The following ZNF844 variants were observed in gnomAD, a reference collection of about 807,000 sequenced individuals.
ZNF844 encodes zinc finger protein 844.
A neutral mutation model predicts 11.4 loss-of-function variants in ZNF844; 11 were observed. The observed-to-expected ratio is 0.97, with a 90% CI of 0.61 to 1.60. ZNF844 has a LOEUF of 1.60. Ranked by LOEUF, ZNF844 falls within the 40% of genes most tolerant of loss-of-function variation. The pLI, the probability that ZNF844 is intolerant of heterozygous loss-of-function variation, is 0.00. For missense variants in ZNF844, 790 were observed against 796.8 expected, an observed-to-expected ratio of 0.99 and a Z score of 0.10; for synonymous variants, 248 against 260.3, an observed-to-expected ratio of 0.95 and a Z score of 0.46.
intron 1 of ZNF844, among the ~76,000 whole-genome samples, 189 bp downstream of exon 1, chr19:12,065,065 G>A (rs1005782960): frequency 6.6e-6 from 1 of 151,966 alleles, no homozygotes; most frequent in African/African-American, 2.4e-5. Flanking sequence ...TGGGCCGGCA[G>A]CCGGGACCCC....
chr19:12,067,043 A>G (rs1045697590), intron 1 of ZNF844, among the ~76,000 whole-genome samples: 2 of 152,158 alleles, frequency 1.3e-5, no homozygotes, highest in Admixed American at 6.6e-5. Flanking sequence ...TGAGATTTCC[A>G]TAAAAAATTA....
At chr19:12,067,843 T>C (rs1599397546) in intron 1 of ZNF844, among the ~76,000 whole-genome samples, 2 of 146,966 alleles carry the variant, frequency 1.4e-5, no homozygotes, top group Admixed American at 1.4e-4. Flanking sequence ...ACCCAGGAGG[T>C]GGAGCTTGCA....
chr19:12,066,692 G>A (rs1416925008), intron 1 of ZNF844, among the ~76,000 whole-genome samples: 3 of 151,512 alleles, frequency 2.0e-5, no homozygotes. Context: ...GACTACAGGC[G>A]CCTGCCACCA....
In ZNF844 at chr19:12,076,619, A is replaced by G. The variant is rs776948113; in HGVS notation, c.1499A>G (p.Glu500Gly). The G allele has an allele frequency of 6.2e-7, 1 of 1,613,902 alleles. No homozygotes were observed. The highest frequency in any genetic ancestry group is 1.1e-5 in the South Asian group (1 of 91,076). The part of the protein sequence containing the change: ...PFDIMKGLTL[E>G]RNPMSVSNVG... ...GATATCATGAAAGGACTCACACTGG[A>G]GAGAAACCCTATGAGTGTAAGCAAT... The change falls in exon 4 of 4, where the codon GAG (glutamate) becomes GGG (glycine). Residue 500 changes from glutamate to glycine, a missense_variant. Physicochemically the swap from Glu to Gly is moderately conservative, Grantham distance 98 (BLOSUM62 -2). Around this residue, in one of 3 missense-constraint regions of ZNF844, gnomAD observed 657 missense variants for 636.2 expected, o/e 1.03. Transcript: ENST00000439326.
At chr19:12,070,761 C>G (rs977347405) in intron 1 of ZNF844, among the ~76,000 whole-genome samples, 8 of 152,046 alleles carry the variant, frequency 5.3e-5, no homozygotes, top group African/African-American at 1.7e-4. Context: ...TATTTTTTGC[C>G]TATATGTTAT....
rs778821923 is a variant in ZNF844 at position 12,076,888 on chromosome 19, A to G, written c.1768A>G (p.Ser590Gly). The change falls in exon 4 of 4, where the codon AGT becomes GGT. Residue 590 changes from serine (S) to glycine (G), a missense_variant. Around this residue, in one of 3 missense-constraint regions of ZNF844, gnomAD observed 657 missense variants for 636.2 expected, o/e 1.03. Coordinates refer to ENST00000439326, the MANE Select transcript of ZNF844 (RefSeq NM_001136501.3). Reference protein sequence around the residue: ...TEDRMPMNVKSVTKHSYLPRS... With the variant: ...TEDRMPMNVKGVTKHSYLPRS... ...GGACAGAATGCCTATGAATGTAAAG[A>G]GTGTGACAAAGCATTCATATCTGCC... The G allele has an allele frequency of 2.5e-6, 4 of 1,572,828 alleles. No individual in the cohort carries two copies. The highest frequency in any genetic ancestry group is 1.4e-5 in the African/African-American group (1 of 73,316).
At chr19:12,067,093 C>T (rs1238953645) in intron 1 of ZNF844, among the ~76,000 whole-genome samples, 10 of 151,896 alleles carry the variant, frequency 6.6e-5, no homozygotes, top group South Asian at 2.1e-4. Flanking sequence ...CCAGCTACTC[C>T]GGAGGCTGAG....
chr19:12,075,211 A>T (rs1975793771), intron 3 of ZNF844, 101 bp from the exon 4 acceptor site: 1 of 800,620 alleles, frequency 1.2e-6, no homozygotes, highest in South Asian at 6.4e-5. Flanking sequence ...ATTAATAATA[A>T]AATAAAATAA....
At position 12,076,125 on chromosome 19, in the gene ZNF844, G is replaced by T. The variant is rs1026323617; in HGVS notation, c.1005G>T (p.Lys335Asn). Reference protein sequence around the residue: ...CRHEVTHSGKKPCECKQCGKA... With the variant: ...CRHEVTHSGKNPCECKQCGKA... ...ATGAAGTGACCCACTCTGGGAAAAA[G>T]CCCTGTGAATGTAAACAATGTGGGA... Residue 335 changes from lysine to asparagine, a missense_variant, in exon 4 of 4, where the codon AAG (lysine) becomes AAT (asparagine). Physicochemically the swap from Lys to Asn is moderately conservative, Grantham distance 94. Transcript: ENST00000439326. The T allele has an allele frequency of 1.9e-6, 3 of 1,570,618 alleles. No homozygotes were observed. The Admixed American group carries it at 5.7e-5, about 30-fold the overall frequency.
chr19:12,069,723 G>C (rs1156322495), intron 1 of ZNF844, among the ~76,000 whole-genome samples: 1 of 150,804 alleles, frequency 6.6e-6, no homozygotes, highest in East Asian at 2.0e-4. Context: ...GGGAGGCCGA[G>C]GTGGGTGGAT....
At chr19:12,066,549 T>G (rs868109291) in intron 1 of ZNF844, among the ~76,000 whole-genome samples, 1,486 of 142,144 alleles carry the variant, frequency 0.01, 13 homozygotes, top group African/African-American at 0.032. Flanking sequence ...TTTTTTTTTT[T>G]TTTTTGTTGT....
In ZNF844 at chr19:12,077,169, T is replaced by C; in HGVS notation, c.*48T>C. On this transcript the variant is annotated 3_prime_UTR_variant, in exon 4 of 4. Transcript: ENST00000439326. ...TGGCAAAGCCTTCACTTCTTCTGGT[T>C]CCTTTCAGTGTCATAAAAGGATTCA... 6.2e-7 allele frequency: 1 copy of C among 1,604,604 alleles called. No homozygotes were observed.
chr19:12,064,768 C>T lies in ZNF844; in HGVS notation c.-106C>T, dbSNP rs997782393. The stretch of plus-strand genomic sequence containing the variant: ...CTCCCGCCGGGTGAGGTTGGCACCC[C>T]GTTTTTCCTGCTCTGAGAGGGACCG... On this transcript the variant is annotated 5_prime_UTR_variant, in exon 1 of 4. Transcript: ENST00000439326. The T allele has an allele frequency of 7.7e-6, 10 of 1,294,426 alleles. No individual in the cohort carries two copies. The highest frequency in any genetic ancestry group is 1.9e-4 in the Middle Eastern group (1 of 5,364). The allele number at this position is 1,294,426 out of a possible 1,614,324, so 80.2% of individuals were successfully genotyped here.
rs1047380108 is a variant in ZNF844 at position 12,071,286 on chromosome 19, A to C, written c.4-2745A>C. Among the ~76,000 whole-genome samples the C allele has an allele frequency of 1.1e-4, 16 of 152,330 alleles. 1 individual carries two copies. The highest frequency in any genetic ancestry group is 3.8e-4 in the African/African-American group (16 of 41,588). ...AAAGCAATAAGTGGTGGGTATATTCAACCCATTTTCCATGTGCCCCGAGAA... is the reference window on the plus strand; with the variant it reads ...AAAGCAATAAGTGGTGGGTATATTCCACCCATTTTCCATGTGCCCCGAGAA... On this transcript the variant is annotated intron_variant, in intron 1 of 3. Coordinates refer to ENST00000439326, the MANE Select transcript of ZNF844 (RefSeq NM_001136501.3).
intron 1 of ZNF844, 149 bp downstream of exon 1, chr19:12,065,025 C>A: frequency 1.2e-6 from 1 of 837,892 alleles, no homozygotes; most frequent in South Asian, 2.5e-5. Flanking sequence ...CGCAGCTCGG[C>A]CTTCGGTCCA....
chr19:12,075,218 A>C, intron 3 of ZNF844, 94 bp from the exon 4 acceptor site: 1 of 920,516 alleles, frequency 1.1e-6, no homozygotes, highest in Non-Finnish European at 1.4e-6. Flanking sequence ...ATAAAATAAA[A>C]TAAAATAAAA....
At chr19:12,066,100 A>G (rs1975684453) in intron 1 of ZNF844, among the ~76,000 whole-genome samples, 1 of 151,032 alleles carries the variant, frequency 6.6e-6, no homozygotes, top group Non-Finnish European at 1.5e-5. Context: ...TAATTTTTGT[A>G]TTTTTGGTAG....
At position 12,076,751 on chromosome 19, in the gene ZNF844, C is replaced by G; in HGVS notation, c.1631C>G (p.Ser544Ter). Reference sequence around the variant, plus strand: ...AATGTGAAAAAACCTTTGGATCTGTCAGAAACCTTCAAATTCATGAAAAGA... The same window carrying G: ...AATGTGAAAAAACCTTTGGATCTGTGAGAAACCTTCAAATTCATGAAAAGA... ...LNNVKKPLDL[S>*]ETFKFMKRHT... The change falls in exon 4 of 4, where the codon TCA becomes TGA. Residue 544 changes from serine (S) to a stop codon, truncating the protein, a stop_gained. Coordinates refer to ENST00000439326, the MANE Select transcript of ZNF844 (RefSeq NM_001136501.3). LOFTEE classifies it low-confidence loss of function (END_TRUNC). The G allele has an allele frequency of 6.3e-7, 1 of 1,599,902 alleles. No homozygotes were observed. Among genetic ancestry groups the G allele is most frequent in the Non-Finnish European group, 8.5e-7 (1 of 1,172,736 alleles).
Position 12,076,137 on chromosome 19 carries a change from T to TA in ZNF844, c.1020dup (p.Gln341ThrfsTer10), listed in dbSNP as rs551445024. 1,948 of 1,573,544 alleles carry TA rather than the reference T, an allele frequency of 1.2e-3. 7 individuals are homozygous for TA. The highest frequency in any genetic ancestry group is 4.1e-3 in the South Asian group (360 of 87,170). On this transcript the variant is annotated frameshift_variant, in exon 4 of 4. Transcript: ENST00000439326. LOFTEE classifies it low-confidence loss of function (END_TRUNC). ...ACTCTGGGAAAAAGCCCTGTGAATG[T>TA]AAACAATGTGGGAAAGCATTATCTT...
Sources: gnomAD v4.1 joint callset for allele counts (sites outside exome capture counted in the v4.1 genomes callset) on GRCh38, gnomAD v4.1.1 for gene constraint, gnomAD v4.1.1 regional missense constraint, MANE v1.5 for transcripts, NCBI Gene and HGNC (gene_info 2026-07-23, HGNC 2026-07-21) for gene names.